Variants in SLX4IP observed in about 807,000 individuals in gnomAD.
SLX4IP encodes protein SLX4IP.
A neutral mutation model predicts 32.9 loss-of-function variants in SLX4IP; 34 were observed. The ratio of observed to expected loss-of-function variants is 1.03; its 90% confidence interval spans 0.79 to 1.38. The LOEUF (loss-of-function observed/expected upper bound fraction) is 1.38. SLX4IP is among the 40% of genes most tolerant of loss of function. The probability of loss-of-function intolerance (pLI) is 0.00; values close to 1 mark genes in which losing one functional copy is unlikely to be tolerated. For missense variants in SLX4IP, 444 were observed against 479.0 expected (o/e 0.93, Z 0.68); for synonymous variants, 172 against 171.7 (o/e 1.00, Z -0.01).
chr20:10,445,203 C>G (rs567068025), intron 1 of SLX4IP, among the ~76,000 whole-genome samples: 98 of 152,190 alleles, frequency 6.4e-4, no homozygotes, highest in African/African-American at 2.0e-3. Context: ...CCTTCCACCC[C>G]CTACTGCCTT....
At chr20:10,566,115 C>G in intron 4 of SLX4IP, among the ~76,000 whole-genome samples, 1 of 152,226 alleles carries the variant, frequency 6.6e-6, no homozygotes, top group Non-Finnish European at 1.5e-5. Flanking sequence ...CTTCCCTCCT[C>G]TATTTATTTT....
At chr20:10,489,975 A>G (rs2122394838) in intron 2 of SLX4IP, among the ~76,000 whole-genome samples, 1 of 152,288 alleles carries the variant, frequency 6.6e-6, no homozygotes, top group Non-Finnish European at 1.5e-5. Context: ...CCACCCATAC[A>G]TCTTTCATAG....
At chr20:10,531,657 C>A (rs937489415) in intron 2 of SLX4IP, among the ~76,000 whole-genome samples, 1 of 152,046 alleles carries the variant, frequency 6.6e-6, no homozygotes, top group African/African-American at 2.4e-5. Context: ...TTTCAGATAC[C>A]GAGACGTGTG....
chr20:10,616,053 C>G (rs912850808), intron 6 of SLX4IP, among the ~76,000 whole-genome samples: 1 of 152,156 alleles, frequency 6.6e-6, no homozygotes, highest in East Asian at 1.9e-4. Flanking sequence ...TGGTCTTATT[C>G]CCCAAGCCTG....
At chr20:10,613,661 C>T (rs1403670492) in intron 6 of SLX4IP, 1 of 1,613,796 alleles carries the variant, frequency 6.2e-7, no homozygotes, top group Non-Finnish European at 8.5e-7. Flanking sequence ...TCTTTGCATT[C>T]ATCTTTTGTG....
At chr20:10,588,431 A>C (rs146971711) in intron 4 of SLX4IP, among the ~76,000 whole-genome samples, 10 of 152,290 alleles carry the variant, frequency 6.6e-5, no homozygotes, top group African/African-American at 2.4e-4. Flanking sequence ...GCCATTATGG[A>C]AAACAGTATG....
At chr20:10,482,925 G>A (rs984435370) in intron 2 of SLX4IP, among the ~76,000 whole-genome samples, 7 of 152,004 alleles carry the variant, frequency 4.6e-5, no homozygotes, top group Non-Finnish European at 5.9e-5. Context: ...CATTTTTCCC[G>A]AGTTAGAGGC....
chr20:10,548,399 C>T (rs988950719), intron 2 of SLX4IP, among the ~76,000 whole-genome samples: 7 of 152,110 alleles, frequency 4.6e-5, no homozygotes, highest in Non-Finnish European at 7.4e-5. Flanking sequence ...CCACCACGCC[C>T]GGCTAATTTT....
intron 2 of SLX4IP, among the ~76,000 whole-genome samples, chr20:10,505,848 T>C (rs1333937019): frequency 6.6e-6 from 1 of 152,180 alleles, no homozygotes; most frequent in Non-Finnish European, 1.5e-5. Flanking sequence ...ATTCCCCTTT[T>C]CTAACCTGCC....
intron 2 of SLX4IP, among the ~76,000 whole-genome samples, chr20:10,510,351 T>C (rs1229224430): frequency 1.3e-5 from 2 of 152,124 alleles, no homozygotes; most frequent in Non-Finnish European, 2.9e-5. Context: ...CTTAGGGTGC[T>C]AAAGAGTGCA....
chr20:10,564,426 G>T (rs1211734012), intron 4 of SLX4IP, among the ~76,000 whole-genome samples: 1 of 152,116 alleles, frequency 6.6e-6, no homozygotes, highest in Admixed American at 6.5e-5. Flanking sequence ...TTATGCTTTT[G>T]TGTAAATTGG....
chr20:10,582,700 A>G (rs999421181), intron 4 of SLX4IP, among the ~76,000 whole-genome samples: 14 of 152,228 alleles, frequency 9.2e-5, no homozygotes, highest in Admixed American at 7.9e-4. Context: ...TAAGAGCTTT[A>G]CAATCACCTA....
chr20:10,443,526 T>G (rs1198978873), intron 1 of SLX4IP, among the ~76,000 whole-genome samples: 1 of 152,034 alleles, frequency 6.6e-6, no homozygotes, highest in Non-Finnish European at 1.5e-5. Flanking sequence ...TCAACTCGCT[T>G]TAGGAGAGGA....
chr20:10,619,988 G>C (rs945971556), intron 6 of SLX4IP, among the ~76,000 whole-genome samples: 2 of 152,198 alleles, frequency 1.3e-5, no homozygotes, highest in East Asian at 3.8e-4. Flanking sequence ...AGATGGATAG[G>C]CACAATTGAA....
intron 4 of SLX4IP, among the ~76,000 whole-genome samples, chr20:10,568,250 C>T (rs772362980): frequency 3.3e-5 from 5 of 152,190 alleles, no homozygotes; most frequent in African/African-American, 4.8e-5. Context: ...TAGACCAGAA[C>T]AATGTCCTGC....
chr20:10,603,082 A>T lies in SLX4IP; in HGVS notation c.405+1263A>T, dbSNP rs116347842. Reference sequence around the variant, plus strand: ...TTATCTTCGTAAACTAATAAATACTAAAGTGGCAATGCCATTGGCATACAT... The same window carrying T: ...TTATCTTCGTAAACTAATAAATACTTAAGTGGCAATGCCATTGGCATACAT... On this transcript the variant is annotated intron_variant, in intron 6 of 7. Coordinates refer to ENST00000334534, the MANE Select transcript of SLX4IP (RefSeq NM_001009608.3). 4.9e-3 allele frequency among the ~76,000 whole-genome samples: 745 copies of T among 152,372 alleles called. 10 individuals are homozygous for T. The highest frequency in any genetic ancestry group is 0.017 in the African/African-American group (715 of 41,588).
intron 4 of SLX4IP, among the ~76,000 whole-genome samples, chr20:10,569,080 C>A (rs751183530): frequency 6.6e-6 from 1 of 152,114 alleles, no homozygotes; most frequent in Non-Finnish European, 1.5e-5. Flanking sequence ...TGAGGACTGC[C>A]TGGCTCTCCT....
At chr20:10,591,184 A>T (rs78330115) in intron 4 of SLX4IP, among the ~76,000 whole-genome samples, 1 of 152,174 alleles carries the variant, frequency 6.6e-6, no homozygotes, top group African/African-American at 2.4e-5. Flanking sequence ...CTCAGTTCAT[A>T]TAAAGGACAG....
intron 4 of SLX4IP, among the ~76,000 whole-genome samples, chr20:10,571,793 G>A (rs2066469468): frequency 6.6e-6 from 1 of 152,190 alleles, no homozygotes; most frequent in South Asian, 2.1e-4. Context: ...AGACTTTACA[G>A]CATGTTTCCA....
Sources: gnomAD v4.1 joint callset for allele counts (sites outside exome capture counted in the v4.1 genomes callset) on GRCh38, gnomAD v4.1.1 for gene constraint, MANE v1.5 for transcripts, NCBI Gene and HGNC (gene_info 2026-07-23, HGNC 2026-07-21) for gene names.